Variants in BLTP1 observed in about 807,000 individuals in gnomAD.
BLTP1 encodes bridge-like lipid transfer protein family member 1, also known as fragile site-associated protein.
At chr4:122,246,448 T>C in the BLTP1 span, 2 of 1,029,882 alleles carry the variant, frequency 1.9e-6, no homozygotes, top group Non-Finnish European at 2.7e-6. Flanking sequence ...GTAGATCTAA[T>C]GGAATGTAAA....
At chr4:122,339,341 T>A in the BLTP1 span, 1 of 1,613,508 alleles carries the variant, frequency 6.2e-7, no homozygotes, top group Non-Finnish European at 8.5e-7. Flanking sequence ...CTGCAGAGAC[T>A]TTATCCCCTG....
chr4:122,305,237 A>AT, the BLTP1 span: 1 of 977,824 alleles, frequency 1.0e-6, no homozygotes, highest in Non-Finnish European at 1.2e-6. Flanking sequence ...TTTGCTTGTA[A>AT]TTTTTTTTAT....
At chr4:122,185,349 C>G in the BLTP1 span, 1 of 984,390 alleles carries the variant, frequency 1.0e-6, no homozygotes, top group South Asian at 4.7e-5. Flanking sequence ...GTAGTTCTTT[C>G]ATTTGGTAAC....
the BLTP1 span, among the ~76,000 whole-genome samples, chr4:122,234,509 C>T: frequency 6.7e-6 from 1 of 149,676 alleles, no homozygotes; most frequent in Non-Finnish European, 1.5e-5. Flanking sequence ...TTTTTTAATG[C>T]TTTGGGCTTT....
the BLTP1 span, chr4:122,280,198 C>T: frequency 1.0e-6 from 1 of 984,788 alleles, no homozygotes; most frequent in East Asian, 1.1e-4. Flanking sequence ...GTCAGTGTTC[C>T]ATATTGCATA....
chr4:122,199,963 A>T, the BLTP1 span: 230 of 972,180 alleles, frequency 2.4e-4, no homozygotes, highest in Non-Finnish European at 2.6e-4. Flanking sequence ...GGGACTCATT[A>T]ATCAAGCAGA....
the BLTP1 span, chr4:122,269,079 A>G: frequency 9.3e-6 from 9 of 964,760 alleles, no homozygotes; most frequent in Non-Finnish European, 1.1e-5. Context: ...ATTAATACCT[A>G]CACATACTCT....
the BLTP1 span, chr4:122,271,126 C>T: frequency 6.2e-7 from 1 of 1,613,934 alleles, no homozygotes; most frequent in Non-Finnish European, 8.5e-7. Context: ...CCCCTCAGAA[C>T]TCTACCAGTG....
At chr4:122,214,166 T>A in the BLTP1 span, 1 of 927,944 alleles carries the variant, frequency 1.1e-6, no homozygotes, top group Non-Finnish European at 1.3e-6. Context: ...TGTTATTTTT[T>A]TTTTCTGTTT....
chr4:122,337,095 T>C, the BLTP1 span: 1 of 1,344,832 alleles, frequency 7.4e-7, no homozygotes, highest in Non-Finnish European at 1.0e-6. Context: ...ATTTCAACAT[T>C]ATTACTGTTT....
the BLTP1 span, chr4:122,215,322 T>G: frequency 1.1e-6 from 1 of 945,542 alleles, no homozygotes; most frequent in African/African-American, 1.8e-5. Flanking sequence ...CTAAATTTTT[T>G]TAAGATTTAC....
chr4:122,288,689 A>AATC, the BLTP1 span: 6 of 304,542 alleles, frequency 2.0e-5, no homozygotes, highest in African/African-American at 1.6e-4. Context: ...ATAAATAAAT[A>AATC]AATAAATCTA....
the BLTP1 span, chr4:122,207,454 A>G: frequency 3.4e-6 from 5 of 1,480,384 alleles, no homozygotes; most frequent in South Asian, 1.4e-5. Context: ...TTAGTTGTGC[A>G]TTTTAGGCAA....
chr4:122,297,445 CATT>C, the BLTP1 span, among the ~76,000 whole-genome samples: 3 of 152,174 alleles, frequency 2.0e-5, no homozygotes, highest in Non-Finnish European at 2.9e-5. Context: ...AATGCTTTCA[CATT>C]GTTGGTGGGA....
At chr4:122,201,451 C>T in the BLTP1 span, among the ~76,000 whole-genome samples, 3 of 152,106 alleles carry the variant, frequency 2.0e-5, no homozygotes, top group African/African-American at 4.8e-5. Flanking sequence ...AATTAGGCAT[C>T]AGCATGGCTT....
chr4:122,264,171 A>G, the BLTP1 span: 3 of 1,423,362 alleles, frequency 2.1e-6, no homozygotes, highest in Non-Finnish European at 9.2e-7. Context: ...ACAGGCTTCA[A>G]AAGTTTACCC....
At chr4:122,292,954 A>G in the BLTP1 span, 1 of 493,760 alleles carries the variant, frequency 2.0e-6, no homozygotes. Flanking sequence ...CCCAAAGGCT[A>G]ATCCAAAAAA....
chr4:122,302,766 A>G, the BLTP1 span, among the ~76,000 whole-genome samples: 1 of 152,216 alleles, frequency 6.6e-6, no homozygotes, highest in South Asian at 2.1e-4. Context: ...AAACAGCCTT[A>G]TTGCAGATAT....
chr4:122,261,785 A>T, the BLTP1 span: 4 of 976,022 alleles, frequency 4.1e-6, no homozygotes, highest in East Asian at 3.4e-4. Context: ...ATAAGCTAAT[A>T]CATGAAACAT....
Sources: gnomAD v4.1 joint callset for allele counts (sites outside exome capture counted in the v4.1 genomes callset) on GRCh38, gnomAD v4.1.1 for gene constraint, MANE v1.5 for transcripts, NCBI Gene and HGNC (gene_info 2026-07-23, HGNC 2026-07-21) for gene names.